The following MACROD2 variants were observed in gnomAD, a reference collection of about 807,000 sequenced individuals.
The protein encoded by MACROD2 is ADP-ribose glycohydrolase MACROD2.
In MACROD2, 36 loss-of-function variants were observed where a neutral mutation model predicts 70.4. The observed-to-expected ratio is 0.51, with a 90% CI of 0.39 to 0.68. MACROD2 has a LOEUF of 0.68. MACROD2 is among the 30% of genes least tolerant of loss of function. The pLI, the probability that MACROD2 is intolerant of heterozygous loss-of-function variation, is 0.00. For missense variants in MACROD2, 496 were observed against 538.4 expected, an observed-to-expected ratio of 0.92 and a Z score of 0.78; for synonymous variants, 172 against 178.8, an observed-to-expected ratio of 0.96 and a Z score of 0.30.
At chr20:14,949,173 T>C (rs2074456411) in intron 5 of MACROD2, among the ~76,000 whole-genome samples, 1 of 152,184 alleles carries the variant, frequency 6.6e-6, no homozygotes. Flanking sequence ...GACCAAAATG[T>C]TCACTTTAGT....
chr20:15,966,935 T>C (rs566238084), intron 12 of MACROD2, among the ~76,000 whole-genome samples: 77 of 152,280 alleles, frequency 5.1e-4, no homozygotes, highest in African/African-American at 1.8e-3. Flanking sequence ...CTTTTAGCCA[T>C]GTTAAACATG....
intron 3 of MACROD2, among the ~76,000 whole-genome samples, chr20:14,285,306 T>C (rs1407002522): frequency 6.6e-6 from 1 of 152,224 alleles, no homozygotes; most frequent in Non-Finnish European, 1.5e-5. Flanking sequence ...TTTTATACAA[T>C]ATTTTAAATA....
intron 4 of MACROD2, among the ~76,000 whole-genome samples, chr20:14,671,876 T>C (rs1458653208): frequency 2.0e-5 from 3 of 152,226 alleles, no homozygotes. Flanking sequence ...GAAACACTGA[T>C]GCTATTCAGT....
At chr20:14,331,436 T>G (rs561146909) in intron 3 of MACROD2, among the ~76,000 whole-genome samples, 4 of 152,256 alleles carry the variant, frequency 2.6e-5, no homozygotes, top group Non-Finnish European at 4.4e-5. Flanking sequence ...CATACAATAG[T>G]GGTAATAATG....
At chr20:14,509,765 GTTA>G (rs1387294379) in intron 4 of MACROD2, among the ~76,000 whole-genome samples, 1 of 151,810 alleles carries the variant, frequency 6.6e-6, no homozygotes, top group African/African-American at 2.4e-5. Context: ...TAGCTATTTA[GTTA>G]TTATTTTAAA....
At chr20:14,946,014 C>G (rs953479709) in intron 5 of MACROD2, among the ~76,000 whole-genome samples, 1 of 152,116 alleles carries the variant, frequency 6.6e-6, no homozygotes, top group Non-Finnish European at 1.5e-5. Flanking sequence ...TCGACACCAG[C>G]CTGGCCAACA....
intron 8 of MACROD2, among the ~76,000 whole-genome samples, chr20:15,839,223 T>C (rs2064145580): frequency 6.6e-6 from 1 of 152,120 alleles, no homozygotes; most frequent in African/African-American, 2.4e-5. Flanking sequence ...AAATATAGCA[T>C]TACACTTGTG....
intron 6 of MACROD2, among the ~76,000 whole-genome samples, chr20:15,307,348 G>T (rs1464237174): frequency 1.3e-5 from 2 of 152,232 alleles, no homozygotes; most frequent in East Asian, 1.9e-4. Context: ...TCTGACGAAG[G>T]TTTTTATTTT....
chr20:15,998,323 T>A (rs1479330616), intron 15 of MACROD2, among the ~76,000 whole-genome samples: 1 of 152,202 alleles, frequency 6.6e-6, no homozygotes, highest in African/African-American at 2.4e-5. Context: ...TTTTCTTTAT[T>A]GGGAGGTTTT....
chr20:14,525,660 A>G (rs893063513), intron 4 of MACROD2, among the ~76,000 whole-genome samples: 3 of 152,136 alleles, frequency 2.0e-5, no homozygotes, highest in African/African-American at 7.2e-5. Flanking sequence ...TGGTGTGTCT[A>G]TTTTAGGTTA....
intron 15 of MACROD2, among the ~76,000 whole-genome samples, chr20:16,001,325 A>G (rs1227728986): frequency 6.6e-6 from 1 of 152,232 alleles, no homozygotes. Context: ...TGCTGTTTGA[A>G]TGTTTCACTA....
At chr20:15,089,929 A>C (rs187461934) in intron 5 of MACROD2, among the ~76,000 whole-genome samples, 1 of 152,110 alleles carries the variant, frequency 6.6e-6, no homozygotes, top group African/African-American at 2.4e-5. Flanking sequence ...GCAAATGTAA[A>C]CCCTGAATAG....
At chr20:15,473,614 A>C (rs1235632158) in intron 7 of MACROD2, among the ~76,000 whole-genome samples, 4 of 152,134 alleles carry the variant, frequency 2.6e-5, no homozygotes, top group Non-Finnish European at 5.9e-5. Flanking sequence ...CTGAGTATTA[A>C]ATTTACTGTT....
At chr20:16,040,330 C>G (rs1167967573) in intron 15 of MACROD2, among the ~76,000 whole-genome samples, 2 of 151,902 alleles carry the variant, frequency 1.3e-5, no homozygotes, top group African/African-American at 2.4e-5. Flanking sequence ...TGAAGTTTAA[C>G]ATACTCTGGA....
At chr20:15,394,877 A>T (rs1323498832) in intron 6 of MACROD2, among the ~76,000 whole-genome samples, 1 of 152,170 alleles carries the variant, frequency 6.6e-6, no homozygotes, top group Non-Finnish European at 1.5e-5. Context: ...GTGTAGGTTA[A>T]ACTGAATGAG....
chr20:14,073,155 G>A (rs2053871886), intron 2 of MACROD2, among the ~76,000 whole-genome samples: 1 of 151,964 alleles, frequency 6.6e-6, no homozygotes, highest in East Asian at 1.9e-4. Context: ...GACTAACATG[G>A]TGAAACCCCA....
chr20:14,990,745 C>G (rs527968374), intron 5 of MACROD2, among the ~76,000 whole-genome samples: 9 of 152,172 alleles, frequency 5.9e-5, no homozygotes, highest in Admixed American at 2.6e-4. Flanking sequence ...AACTACTGAC[C>G]TTGTGATCTG....
At chr20:15,801,419 G>A (rs1289122524) in intron 8 of MACROD2, among the ~76,000 whole-genome samples, 1 of 151,608 alleles carries the variant, frequency 6.6e-6, no homozygotes, top group Non-Finnish European at 1.5e-5. Flanking sequence ...GGGAACTCTG[G>A]GGTCCTGAAA....
At chr20:14,804,757 G>T (rs922067074) in intron 5 of MACROD2, among the ~76,000 whole-genome samples, 3 of 152,032 alleles carry the variant, frequency 2.0e-5, no homozygotes, top group Non-Finnish European at 4.4e-5. Context: ...GGTCACTAGT[G>T]ACTGTGCCCA....
Sources: gnomAD v4.1 joint callset for allele counts (sites outside exome capture counted in the v4.1 genomes callset) on GRCh38, gnomAD v4.1.1 for gene constraint, MANE v1.5 for transcripts, NCBI Gene and HGNC (gene_info 2026-07-23, HGNC 2026-07-21) for gene names.